Variants in SLC4A10 observed in about 807,000 individuals in gnomAD.
SLC4A10 encodes sodium-driven chloride bicarbonate exchanger.
A neutral mutation model predicts 137.7 loss-of-function variants in SLC4A10; 42 were observed. The ratio of observed to expected loss-of-function variants is 0.30; its 90% CI spans 0.24 to 0.39. SLC4A10 has a LOEUF of 0.39. SLC4A10 is among the 10% of genes least tolerant of loss of function. The probability of loss-of-function intolerance (pLI) is 1.00; values close to 1 mark genes in which losing one functional copy is unlikely to be tolerated. For missense variants in SLC4A10, 925 were observed against 1,355.0 expected (o/e 0.68, Z 4.98); for synonymous variants, 474 against 464.1 (o/e 1.02, Z -0.27).
intron 1 of SLC4A10, among the ~76,000 whole-genome samples, chr2:161,744,722 A>G (rs1205925634): frequency 6.6e-6 from 1 of 152,202 alleles, no homozygotes; most frequent in Non-Finnish European, 1.5e-5. Context: ...GAGAAAACTA[A>G]TAAAAACTCC....
intron 2 of SLC4A10, among the ~76,000 whole-genome samples, chr2:161,781,491 T>C (rs2053012273): frequency 6.6e-6 from 1 of 152,072 alleles, no homozygotes; most frequent in African/African-American, 2.4e-5. Flanking sequence ...TATATATGTA[T>C]TAAAATTATT....
chr2:161,937,094 C>T (rs1052160677), intron 15 of SLC4A10, among the ~76,000 whole-genome samples: 1 of 151,962 alleles, frequency 6.6e-6, no homozygotes, highest in Admixed American at 6.6e-5. Flanking sequence ...CCTCATTGTC[C>T]CACTGGTTGT....
chr2:161,711,723 G>T (rs75805783), intron 1 of SLC4A10, among the ~76,000 whole-genome samples: 1 of 151,738 alleles, frequency 6.6e-6, no homozygotes, highest in Non-Finnish European at 1.5e-5. Flanking sequence ...GCTGGCTGCA[G>T]TAAGAGGCTT....
At chr2:161,715,189 T>G (rs558135272) in intron 1 of SLC4A10, among the ~76,000 whole-genome samples, 1 of 152,138 alleles carries the variant, frequency 6.6e-6, no homozygotes, top group Admixed American at 6.6e-5. Flanking sequence ...GCTCTACAGC[T>G]GTTGGCCTTA....
chr2:161,815,413 TCTC>T (rs1312546899), intron 3 of SLC4A10, among the ~76,000 whole-genome samples: 1 of 152,036 alleles, frequency 6.6e-6, no homozygotes, highest in East Asian at 1.9e-4. Context: ...GGTGCCTACT[TCTC>T]CTTCCGCCAT....
chr2:161,640,646 TTCCTTCCTTCC>T (rs753617539), intron 1 of SLC4A10, among the ~76,000 whole-genome samples: 2,301 of 145,314 alleles, frequency 0.016, 82 homozygotes, highest in Middle Eastern at 0.039. Context: ...CCTTCCTTCC[TTCCTTCCTTCC>T]TTCTTTCTTT....
chr2:161,775,701 A>G (rs2052237465), intron 2 of SLC4A10, among the ~76,000 whole-genome samples: 2 of 151,898 alleles, frequency 1.3e-5, no homozygotes, highest in African/African-American at 4.8e-5. Context: ...AGTTACTCTT[A>G]TTCACCTCAG....
At chr2:161,911,321 T>C (rs1255929739) in intron 15 of SLC4A10, among the ~76,000 whole-genome samples, 1 of 151,828 alleles carries the variant, frequency 6.6e-6, no homozygotes, top group East Asian at 1.9e-4. Context: ...TTCATAAAAC[T>C]AATGATGATT....
intron 2 of SLC4A10, among the ~76,000 whole-genome samples, chr2:161,793,504 C>T (rs1387436613): frequency 1.3e-5 from 2 of 151,234 alleles, no homozygotes; most frequent in African/African-American, 2.4e-5. Flanking sequence ...TTTGCCTCCT[C>T]GTTCTATCTT....
chr2:161,742,413 T>C (rs2047985266), intron 1 of SLC4A10, among the ~76,000 whole-genome samples: 1 of 151,254 alleles, frequency 6.6e-6, no homozygotes, highest in African/African-American at 2.4e-5. Flanking sequence ...TCTCCTTTCT[T>C]TTTTCTTTTC....
chr2:161,795,694 T>A (rs1010417547), intron 2 of SLC4A10, among the ~76,000 whole-genome samples: 1 of 152,174 alleles, frequency 6.6e-6, no homozygotes, highest in East Asian at 1.9e-4. Context: ...ATCGGAAAGT[T>A]ACTTTTTTGA....
chr2:161,673,792 C>G (rs138586865), intron 1 of SLC4A10, among the ~76,000 whole-genome samples: 286 of 152,246 alleles, frequency 1.9e-3, no homozygotes, highest in Non-Finnish European at 3.1e-3. Context: ...GAGTTCAAGA[C>G]CAGCCTGGCT....
At position 161,791,511 on chromosome 2, in the gene SLC4A10, A is replaced by G. The variant is rs372887384; in HGVS notation, c.131-12938A>G. On this transcript the variant is annotated intron_variant, in intron 2 of 26. Transcript: ENST00000446997. ...GGGAGCACATCAGGAAGAATAGCTG[A>G]TGGACTCTGGGCTTAATACCTAGAT... 4.6e-5 allele frequency among the ~76,000 whole-genome samples: 7 copies of G among 152,248 alleles called. 1 individual carries two copies. In the East Asian group the frequency reaches 9.6e-4, roughly 21 times the overall value.
chr2:161,709,145 G>A (rs1049971679), intron 1 of SLC4A10, among the ~76,000 whole-genome samples: 1 of 151,348 alleles, frequency 6.6e-6, no homozygotes, highest in Admixed American at 6.6e-5. Context: ...TCCAGATTAA[G>A]CCTGAATAGA....
intron 15 of SLC4A10, among the ~76,000 whole-genome samples, chr2:161,923,002 A>G (rs1293859355): frequency 6.6e-6 from 1 of 152,216 alleles, no homozygotes; most frequent in African/African-American, 2.4e-5. Flanking sequence ...TCTGCAACCC[A>G]AGGACTAAAA....
intron 1 of SLC4A10, among the ~76,000 whole-genome samples, chr2:161,737,058 C>T (rs1018215642): frequency 3.0e-4 from 45 of 151,810 alleles, no homozygotes; most frequent in African/African-American, 8.7e-4. Flanking sequence ...AGTGTCTCAC[C>T]GTGTTACCCA....
chr2:161,908,008 A>G (rs1436229722), intron 15 of SLC4A10, among the ~76,000 whole-genome samples: 1 of 152,186 alleles, frequency 6.6e-6, no homozygotes, highest in Non-Finnish European at 1.5e-5. Flanking sequence ...TAGGTACTTC[A>G]GACTGAGGAA....
chr2:161,703,571 G>C (rs2043350148), intron 1 of SLC4A10, among the ~76,000 whole-genome samples: 1 of 151,112 alleles, frequency 6.6e-6, no homozygotes, highest in African/African-American at 2.4e-5. Context: ...TTTTGTAACT[G>C]GTACAAAAAG....
intron 5 of SLC4A10, among the ~76,000 whole-genome samples, chr2:161,856,520 G>A (rs1281013943): frequency 1.3e-5 from 2 of 151,866 alleles, no homozygotes; most frequent in Non-Finnish European, 1.5e-5. Context: ...AAACATAAAT[G>A]TATAATTTTC....
Sources: gnomAD v4.1 joint callset for allele counts (sites outside exome capture counted in the v4.1 genomes callset) on GRCh38, gnomAD v4.1.1 for gene constraint, MANE v1.5 for transcripts, NCBI Gene and HGNC (gene_info 2026-07-23, HGNC 2026-07-21) for gene names.